TMTC2: variants seen among roughly 807,000 people sequenced by gnomAD.
TMTC2 encodes transmembrane O-mannosyltransferase targeting cadherins 2, also known as protein O-mannosyl-transferase TMTC2.
Under a neutral mutation model 82.4 loss-of-function variants are expected in TMTC2, and 43 were observed. The observed-to-expected ratio is 0.52, with a 90% CI of 0.41 to 0.67. TMTC2 has a LOEUF of 0.67. Among genes scored for constraint, TMTC2 ranks in the 30% least tolerant of loss-of-function variants. The pLI, the probability that TMTC2 is intolerant of heterozygous loss-of-function variation, is 0.00. For missense variants in TMTC2, 919 were observed against 1,012.4 expected, an observed-to-expected ratio of 0.91 and a Z score of 1.25; for synonymous variants, 408 against 381.9, an observed-to-expected ratio of 1.07 and a Z score of -0.80.
chr12:82,836,671 T>A lies in TMTC2; in HGVS notation c.84-20339T>A, dbSNP rs113126614. Among the ~76,000 whole-genome samples, 630 of 152,320 alleles carry A rather than the reference T, an allele frequency of 4.1e-3. 3 individuals are homozygous for A. The highest frequency in any genetic ancestry group is 0.014 in the African/African-American group (590 of 41,580). ...AGAATAGAAATATAATAAATTTGTG[T>A]TTGTTTATCACTAAGTGGATGGTAA... On this transcript the variant is annotated intron_variant, in intron 1 of 11. Coordinates refer to ENST00000321196, the MANE Select transcript of TMTC2 (RefSeq NM_152588.3).
At chr12:82,929,374 C>T (rs1478510289) in intron 3 of TMTC2, among the ~76,000 whole-genome samples, 1 of 152,102 alleles carries the variant, frequency 6.6e-6, no homozygotes, top group East Asian at 1.9e-4. Flanking sequence ...CTGTCTTAAA[C>T]AGCTTGTTTA....
At chr12:83,013,575 T>C (rs1565852819) in intron 8 of TMTC2, among the ~76,000 whole-genome samples, 1 of 152,236 alleles carries the variant, frequency 6.6e-6, no homozygotes, top group Non-Finnish European at 1.5e-5. Context: ...TACTTTTTAT[T>C]GTATTGTTAT....
chr12:83,117,900 ATT>A (rs1884817791), intron 11 of TMTC2, among the ~76,000 whole-genome samples: 9 of 78,188 alleles, frequency 1.2e-4, no homozygotes, highest in African/African-American at 3.2e-4. Context: ...TAAGTATTTT[ATT>A]TATTTATTTA....
intron 1 of TMTC2, among the ~76,000 whole-genome samples, chr12:82,751,891 A>G (rs1876027996): frequency 6.6e-6 from 1 of 152,200 alleles, no homozygotes; most frequent in African/African-American, 2.4e-5. Flanking sequence ...TAAAGGATGA[A>G]CAAAATGCCA....
intron 1 of TMTC2, among the ~76,000 whole-genome samples, chr12:82,811,372 T>A (rs1868380483): frequency 6.6e-6 from 1 of 152,140 alleles, no homozygotes; most frequent in South Asian, 2.1e-4. Flanking sequence ...AGATCTGCCC[T>A]TGTAGAAATT....
chr12:82,953,369 G>A (rs1312594388), intron 4 of TMTC2, among the ~76,000 whole-genome samples: 1 of 152,224 alleles, frequency 6.6e-6, no homozygotes, highest in African/African-American at 2.4e-5. Flanking sequence ...TCAAGTAGTA[G>A]CGACTTATTT....
chr12:82,822,868 C>T (rs184017165), intron 1 of TMTC2, among the ~76,000 whole-genome samples: 10 of 152,272 alleles, frequency 6.6e-5, no homozygotes, highest in Admixed American at 3.3e-4. Context: ...CCACTTTCCA[C>T]GTGGTAGTCT....
chr12:83,117,215 G>T (rs1280367085), intron 11 of TMTC2, among the ~76,000 whole-genome samples: 1 of 151,550 alleles, frequency 6.6e-6, no homozygotes, highest in African/African-American at 2.4e-5. Flanking sequence ...TGTTTGCTTT[G>T]TCTGTTTCAT....
intron 1 of TMTC2, among the ~76,000 whole-genome samples, chr12:82,844,271 A>G (rs1870506442): frequency 6.6e-6 from 1 of 152,162 alleles, no homozygotes; most frequent in Non-Finnish European, 1.5e-5. Context: ...GTTAGAGGAA[A>G]ATTGCCATGT....
At chr12:82,952,262 C>T (rs1877389697) in intron 4 of TMTC2, among the ~76,000 whole-genome samples, 1 of 152,110 alleles carries the variant, frequency 6.6e-6, no homozygotes, top group Non-Finnish European at 1.5e-5. Context: ...TCTGTGACCA[C>T]TCTGATGTCT....
At chr12:83,020,354 A>G (rs144006016) in intron 8 of TMTC2, among the ~76,000 whole-genome samples, 18 of 152,322 alleles carry the variant, frequency 1.2e-4, no homozygotes, top group African/African-American at 4.3e-4. Context: ...TCATTGTTTT[A>G]ATTAAAAGCA....
At chr12:82,835,888 G>A (rs867674585) in intron 1 of TMTC2, among the ~76,000 whole-genome samples, 2 of 152,144 alleles carry the variant, frequency 1.3e-5, no homozygotes, top group African/African-American at 4.8e-5. Context: ...GTTTAATGCT[G>A]CACATAGCAG....
chr12:82,845,329 A>G (rs1010507530), intron 1 of TMTC2, among the ~76,000 whole-genome samples: 1 of 146,150 alleles, frequency 6.8e-6, no homozygotes, highest in Admixed American at 6.9e-5. Context: ...TCAAGACCTT[A>G]TTGTAGGGGA....
At chr12:82,768,844 G>A (rs1196456302) in intron 1 of TMTC2, among the ~76,000 whole-genome samples, 2 of 151,962 alleles carry the variant, frequency 1.3e-5, no homozygotes, top group Non-Finnish European at 2.9e-5. Flanking sequence ...ATCACACACT[G>A]CTTAATTATG....
At chr12:82,841,204 G>C (rs914443667) in intron 1 of TMTC2, among the ~76,000 whole-genome samples, 2 of 152,190 alleles carry the variant, frequency 1.3e-5, no homozygotes, top group Non-Finnish European at 2.9e-5. Context: ...TCAAGTGCCT[G>C]CTATGTGATT....
In TMTC2 at chr12:83,093,310, T is replaced by A. The variant is rs540331016; in HGVS notation, c.2331+31479T>A. ...AATTACATTTTTACATGTTCTGCCCTTGTCTGAACTTGACCAAAAAAGAAA... is the reference window on the plus strand; with the variant it reads ...AATTACATTTTTACATGTTCTGCCCATGTCTGAACTTGACCAAAAAAGAAA... On this transcript the variant is annotated intron_variant, in intron 11 of 11. Transcript: ENST00000321196. Among the ~76,000 whole-genome samples, 5 of 152,288 alleles carry A rather than the reference T, an allele frequency of 3.3e-5. No homozygotes were observed. In the South Asian group the frequency reaches 1.0e-3, roughly 32 times the overall value.
chr12:83,022,583 A>T (rs1008018741), intron 8 of TMTC2, among the ~76,000 whole-genome samples: 1 of 152,076 alleles, frequency 6.6e-6, no homozygotes, highest in Non-Finnish European at 1.5e-5. Flanking sequence ...GAAACATCAC[A>T]TCTCTGAAGC....
In TMTC2 at chr12:82,977,402, C is replaced by A. The variant is rs114242572; in HGVS notation, c.1949-8523C>A. Among the ~76,000 whole-genome samples the A allele has an allele frequency of 6.5e-3, 991 of 151,422 alleles. 16 individuals carry two copies. The highest frequency in any genetic ancestry group is 0.023 in the African/African-American group (952 of 41,332). On this transcript the variant is annotated intron_variant, in intron 7 of 11. Coordinates refer to ENST00000321196, the MANE Select transcript of TMTC2 (RefSeq NM_152588.3). ...GTACCCATGAGAAAAGAAAACCAGACCAATAGGACAAAGTGGAGACCCTGG... is the reference window on the plus strand; with the variant it reads ...GTACCCATGAGAAAAGAAAACCAGAACAATAGGACAAAGTGGAGACCCTGG...
intron 1 of TMTC2, among the ~76,000 whole-genome samples, chr12:82,731,804 G>A (rs575989554): frequency 1.3e-5 from 2 of 152,134 alleles, no homozygotes; most frequent in African/African-American, 4.8e-5. Flanking sequence ...TACATGGAAT[G>A]GTTTGTGTGA....
Sources: allele counts gnomAD v4.1 joint callset (sites outside exome capture counted in the v4.1 genomes callset), GRCh38; gene constraint gnomAD v4.1.1; transcripts MANE v1.5; gene names NCBI Gene and HGNC (gene_info 2026-07-23, HGNC 2026-07-21).